HS3ST4: variants seen among roughly 807,000 people sequenced by gnomAD.
The protein encoded by HS3ST4 is heparan sulfate glucosamine 3-O-sulfotransferase 4.
Under a neutral mutation model 29.2 loss-of-function variants are expected in HS3ST4, and 17 were observed. The observed-to-expected ratio is 0.58, with a 90% confidence interval of 0.40 to 0.87. The LOEUF is 0.87. Ranked by LOEUF, HS3ST4 falls within the 40% of genes least tolerant of loss-of-function variation. The pLI is 0.00. For missense variants in HS3ST4, 627 were observed against 634.5 expected (o/e 0.99, Z 0.13); for synonymous variants, 314 against 285.7 (o/e 1.10, Z -1.00).
chr16:25,758,824 T>C (rs1966772448), intron 1 of HS3ST4, among the ~76,000 whole-genome samples: 1 of 151,658 alleles, frequency 6.6e-6, no homozygotes, highest in African/African-American at 2.4e-5. Flanking sequence ...GGCGTGGTGG[T>C]GCACGCCTGT....
chr16:25,898,877 CT>C (rs1293643552), intron 1 of HS3ST4, among the ~76,000 whole-genome samples: 6 of 152,200 alleles, frequency 3.9e-5, no homozygotes, highest in Non-Finnish European at 8.8e-5. Flanking sequence ...TAAGGGAATA[CT>C]TTTTTCATGT....
chr16:25,736,252 A>G (rs1966609104), intron 1 of HS3ST4, among the ~76,000 whole-genome samples: 1 of 152,166 alleles, frequency 6.6e-6, no homozygotes, highest in South Asian at 2.1e-4. Context: ...TGAGGCTATG[A>G]CCACCCTTTG....
At chr16:26,039,838 G>A (rs759238728) in intron 1 of HS3ST4, among the ~76,000 whole-genome samples, 39 of 151,692 alleles carry the variant, frequency 2.6e-4, no homozygotes, top group Non-Finnish European at 3.8e-4. Context: ...TCTCCATTTC[G>A]AAAAACTTCC....
At chr16:25,857,920 CT>C (rs1967594117) in intron 1 of HS3ST4, among the ~76,000 whole-genome samples, 146 of 24,122 alleles carry the variant, frequency 6.1e-3, no homozygotes, top group African/African-American at 0.019. Context: ...TCCTTCCTTC[CT>C]TTCTTTCTTT....
chr16:25,762,818 A>G lies in HS3ST4; in HGVS notation c.734+69667A>G, dbSNP rs900218709. On this transcript the variant is annotated intron_variant, in intron 1 of 1. Transcript: ENST00000331351. ...TTTGAACTCAGGAGGTTGAGGCCGCAGTGAGCTGTGTTTGTGCCACTACAC... is the reference window on the plus strand; with the variant it reads ...TTTGAACTCAGGAGGTTGAGGCCGCGGTGAGCTGTGTTTGTGCCACTACAC... Among the ~76,000 whole-genome samples the G allele has an allele frequency of 1.4e-4, 19 of 133,546 alleles. No homozygotes were observed. The South Asian group carries it at 2.5e-3, about 18-fold the overall frequency. 87.6% of individuals were successfully genotyped at this position (133,546 alleles called of 152,430 possible).
intron 1 of HS3ST4, among the ~76,000 whole-genome samples, chr16:25,721,493 G>A (rs996813900): frequency 1.3e-5 from 2 of 151,644 alleles, no homozygotes; most frequent in African/African-American, 4.9e-5. Flanking sequence ...TTCACAAATT[G>A]CATTCAAAGG....
intron 1 of HS3ST4, among the ~76,000 whole-genome samples, chr16:25,977,281 A>G (rs955868637): frequency 4.6e-5 from 7 of 152,156 alleles, no homozygotes; most frequent in African/African-American, 1.4e-4. Flanking sequence ...ACAGGCATTT[A>G]ATGCTTTTGC....
intron 1 of HS3ST4, among the ~76,000 whole-genome samples, chr16:25,751,403 G>GC (rs1297455585): frequency 2.0e-5 from 3 of 152,172 alleles, no homozygotes; most frequent in African/African-American, 4.8e-5. Flanking sequence ...GGCAGAGACT[G>GC]CACTTAGTAT....
intron 1 of HS3ST4, among the ~76,000 whole-genome samples, chr16:25,787,125 G>A (rs1288900698): frequency 6.6e-6 from 1 of 152,156 alleles, no homozygotes; most frequent in African/African-American, 2.4e-5. Context: ...GATTGCTTAG[G>A]TAAAGCCATC....
At chr16:25,740,435 T>G (rs989083400) in intron 1 of HS3ST4, among the ~76,000 whole-genome samples, 11 of 152,182 alleles carry the variant, frequency 7.2e-5, no homozygotes, top group African/African-American at 2.7e-4. Context: ...TAGGTCCAGT[T>G]TCTTGGATGC....
chr16:26,102,211 A>C (rs1289383036), intron 1 of HS3ST4, among the ~76,000 whole-genome samples: 1 of 152,080 alleles, frequency 6.6e-6, no homozygotes, highest in African/African-American at 2.4e-5. Context: ...TAAATCATCC[A>C]AAAATCCAGT....
intron 1 of HS3ST4, among the ~76,000 whole-genome samples, chr16:25,926,676 T>C (rs190815821): frequency 1.3e-5 from 2 of 152,356 alleles, no homozygotes; most frequent in East Asian, 3.9e-4. Flanking sequence ...TTGGCATTTA[T>C]AGATGAGGAG....
At chr16:26,044,032 A>G (rs1029944401) in intron 1 of HS3ST4, among the ~76,000 whole-genome samples, 2 of 152,242 alleles carry the variant, frequency 1.3e-5, no homozygotes, top group Non-Finnish European at 2.9e-5. Context: ...AGCACAGAGA[A>G]GTTTGACAAA....
At chr16:25,765,834 C>T (rs995164444) in intron 1 of HS3ST4, among the ~76,000 whole-genome samples, 5 of 152,068 alleles carry the variant, frequency 3.3e-5, no homozygotes, top group Non-Finnish European at 7.4e-5. Flanking sequence ...TCAGACAAAA[C>T]GTGTCACTTT....
At chr16:25,890,289 C>T (rs1328414830) in intron 1 of HS3ST4, among the ~76,000 whole-genome samples, 1 of 152,198 alleles carries the variant, frequency 6.6e-6, no homozygotes, top group Non-Finnish European at 1.5e-5. Context: ...TTAGCCACCA[C>T]TATGTATTTC....
At chr16:25,843,142 A>C (rs1967432749) in intron 1 of HS3ST4, among the ~76,000 whole-genome samples, 1 of 152,166 alleles carries the variant, frequency 6.6e-6, no homozygotes, top group Non-Finnish European at 1.5e-5. Context: ...ATAACAATTT[A>C]TTCTTCTTTG....
chr16:25,933,444 A>G, intron 1 of HS3ST4: 4 of 504,210 alleles, frequency 7.9e-6, no homozygotes, highest in South Asian at 5.8e-5. Flanking sequence ...AGCACTGCTG[A>G]AAAATCTAGA....
chr16:25,903,271 T>TAC (rs1968136690), intron 1 of HS3ST4, among the ~76,000 whole-genome samples: 1 of 75,130 alleles, frequency 1.3e-5, no homozygotes, highest in Non-Finnish European at 2.7e-5. Flanking sequence ...ATGAAGAATA[T>TAC]ACGTGTGTGT....
chr16:26,097,712 CA>C (rs1567311651), intron 1 of HS3ST4, among the ~76,000 whole-genome samples: 1 of 152,150 alleles, frequency 6.6e-6, no homozygotes, highest in African/African-American at 2.4e-5. Flanking sequence ...GCAATGGCAA[CA>C]AAAGCCAAAA....
Sources: allele counts gnomAD v4.1 joint callset (sites outside exome capture counted in the v4.1 genomes callset), GRCh38; gene constraint gnomAD v4.1.1; transcripts MANE v1.5; gene names NCBI Gene and HGNC (gene_info 2026-07-23, HGNC 2026-07-21).